RAB36: variants seen among roughly 807,000 people sequenced by gnomAD.
The protein encoded by RAB36 is RAB36, member RAS oncogene family, also known as ras-related protein Rab-36.
In RAB36, 33 loss-of-function variants were observed where a neutral mutation model predicts 39.3. That is an observed-to-expected ratio of 0.84 (90% CI 0.64 to 1.12). The LOEUF is 1.12. Among genes scored for constraint, RAB36 ranks in the 50% most tolerant of loss-of-function variants. The pLI is 0.00. For synonymous variants in RAB36, 133 were observed against 140.2 expected, an observed-to-expected ratio of 0.95 and a Z score of 0.36; for missense variants, 308 against 355.3, an observed-to-expected ratio of 0.87 and a Z score of 1.07.
intron 6 of RAB36, among the ~76,000 whole-genome samples, chr22:23,157,071 C>A (rs976084243): frequency 6.6e-6 from 1 of 152,188 alleles, no homozygotes; most frequent in Non-Finnish European, 1.5e-5. Flanking sequence ...CATAGGGCTC[C>A]CCTCAGGACC....
intron 9 of RAB36, among the ~76,000 whole-genome samples, 188 bp from the exon 10 acceptor site, chr22:23,160,691 C>T (rs1266795809): frequency 6.6e-6 from 1 of 152,106 alleles, no homozygotes; most frequent in Non-Finnish European, 1.5e-5. Flanking sequence ...GTGGACCCTG[C>T]CCCTGGCACT....
chr22:23,152,625 T>C, intron 4 of RAB36, 99 bp downstream of exon 4: 1 of 1,208,664 alleles, frequency 8.3e-7, no homozygotes, highest in South Asian at 1.2e-5. Context: ...GCAGAAATCA[T>C]GTGGCTTCCA....
downstream of RAB36, among the ~76,000 whole-genome samples, chr22:23,167,958 C>A (rs541731018): frequency 6.6e-6 from 1 of 152,242 alleles, no homozygotes; most frequent in African/African-American, 2.4e-5. Flanking sequence ...GCAATCCCCC[C>A]ACCCCAGCCT....
At position 23,163,762 on chromosome 22, in the gene RAB36, A is replaced by G. The variant is rs2071950653; in HGVS notation, c.*2198A>G. On this transcript the variant is annotated 3_prime_UTR_variant, in exon 11 of 11. Coordinates refer to ENST00000263116, the MANE Select transcript of RAB36 (RefSeq NM_004914.5). ...CTGGACTCTGTGCCTTTGCCTGCAC[A>G]GCTAGTGTTGATGGCTTGTTTGTTG... is the stretch of plus-strand genomic sequence containing the variant. 1 of 152,186 alleles carries G rather than the reference A, an allele frequency of 6.6e-6. No individual in the cohort carries two copies. The highest frequency in any genetic ancestry group is 6.5e-5 in the Admixed American group (1 of 15,282). 9.4% of individuals were successfully genotyped at this position (152,186 alleles called of 1,614,324 possible). A position where few individuals can be genotyped will look rare whatever the true frequency, so the allele number is the denominator to read the frequency against.
At position 23,163,633 on chromosome 22, in the gene RAB36, C is replaced by G. The variant is rs545076619; in HGVS notation, c.*2069C>G. 6.7e-6 allele frequency: 1 copy of G among 150,134 alleles called. No homozygotes were observed. The highest frequency in any genetic ancestry group is 1.9e-4 in the East Asian group (1 of 5,164). 9.3% of individuals were successfully genotyped at this position (150,134 alleles called of 1,614,324 possible). A position where few individuals can be genotyped will look rare whatever the true frequency, so the allele number is the denominator to read the frequency against. On this transcript the variant is annotated 3_prime_UTR_variant, in exon 11 of 11. Coordinates refer to ENST00000263116, the MANE Select transcript of RAB36 (RefSeq NM_004914.5). ...CCCCCCCCCGCCACATTAGCTGCGCCCCTGAAGTGTCTCCAGCAGAAGAGA... is the reference window on the plus strand; with the variant it reads ...CCCCCCCCCGCCACATTAGCTGCGCGCCTGAAGTGTCTCCAGCAGAAGAGA...
Position 23,146,120 on chromosome 22 carries a change from G to A in RAB36, c.-12-485G>A, listed in dbSNP as rs915673646. ...TCCCAGGCAGGGTGGGGCAGGCCTG[G>A]TTCCCCCATACCATGCTGCCTGCTG... On this transcript the variant is annotated intron_variant, in intron 1 of 10. Transcript: ENST00000263116. 3 of 663,974 alleles carry A rather than the reference G, an allele frequency of 4.5e-6. No homozygotes were observed. The African/African-American group carries it at 5.9e-5, about 13-fold the overall frequency. The allele number at this position is 663,974 out of a possible 1,614,324, so 41.1% of individuals were successfully genotyped here.
At chr22:23,161,404 C>T in intron 10 of RAB36, 96 bp from the exon 11 acceptor site, 2 of 1,128,538 alleles carry the variant, frequency 1.8e-6, no homozygotes, top group South Asian at 2.6e-5. Flanking sequence ...CCAGAAGCTT[C>T]AGCTCACAGC....
intron 5 of RAB36, 33 bp from the exon 6 acceptor site, chr22:23,155,935 A>C (rs768995215): frequency 1.3e-6 from 2 of 1,584,098 alleles, no homozygotes; most frequent in East Asian, 4.6e-5. Flanking sequence ...GTAGCCTGAC[A>C]CCATTTCCCT....
rs2071856757 is a variant in RAB36, at chr22:23,162,344, C to G, written c.*780C>G. On this transcript the variant is annotated 3_prime_UTR_variant, in exon 11 of 11. Coordinates refer to ENST00000263116, the MANE Select transcript of RAB36 (RefSeq NM_004914.5). ...GCATTTACCTGTGTGCTGCGGGAGG[C>G]AGACTGCACAGCTGTCCTAGGGTAA... 1 of 309,206 alleles carries G rather than the reference C, an allele frequency of 3.2e-6. No homozygotes were observed. Among genetic ancestry groups the G allele is most frequent in the Non-Finnish European group, 6.4e-6 (1 of 155,284 alleles). The allele number at this position is 309,206 out of a possible 1,614,324, so 19.2% of individuals were successfully genotyped here.
chr22:23,161,786 G>T lies in RAB36; in HGVS notation c.*222G>T, dbSNP rs1272574298. On this transcript the variant is annotated 3_prime_UTR_variant, in exon 11 of 11. Transcript: ENST00000263116. ...AAAGGCCCCCACTGGCTGCCTGGGA[G>T]CCCCACACCACCGGGCCAGTGCAGG... is the stretch of plus-strand genomic sequence containing the variant. The T allele has an allele frequency of 1.8e-6, 1 of 552,706 alleles. No individual in the cohort carries two copies. Among genetic ancestry groups the T allele is most frequent in the African/African-American group, 1.9e-5 (1 of 52,630 alleles). The allele number at this position is 552,706 out of a possible 1,614,324, so 34.2% of individuals were successfully genotyped here. A position where few individuals can be genotyped will look rare whatever the true frequency, so the allele number is the denominator to read the frequency against.
chr22:23,162,897 GT>G lies in RAB36; in HGVS notation c.*1339del, dbSNP rs1491470515. On this transcript the variant is annotated 3_prime_UTR_variant, in exon 11 of 11. Transcript: ENST00000263116. ...TTCCCCCTTCAACATATTTTTTGTA[GT>G]TTTTTATATAAATGACTTTTTTTTT... The G allele has an allele frequency of 2.9e-6, 1 of 344,290 alleles. No homozygotes were observed. Among genetic ancestry groups the G allele is most frequent in the East Asian group, 8.3e-5 (1 of 12,088 alleles). 21.3% of individuals were successfully genotyped at this position (344,290 alleles called of 1,614,324 possible). A position where few individuals can be genotyped will look rare whatever the true frequency, so the allele number is the denominator to read the frequency against.
At chr22:23,158,716 G>A (rs1295052026) in intron 7 of RAB36, among the ~76,000 whole-genome samples, 182 bp from the exon 8 acceptor site, 1 of 152,182 alleles carries the variant, frequency 6.6e-6, no homozygotes, top group Non-Finnish European at 1.5e-5. Flanking sequence ...ACCCCTTTGG[G>A]TCCAGCCAAC....
chr22:23,167,425 T>C (rs749607838), downstream of RAB36, among the ~76,000 whole-genome samples: 1 of 152,140 alleles, frequency 6.6e-6, no homozygotes, highest in Non-Finnish European at 1.5e-5. Flanking sequence ...TCTCAGCATC[T>C]TTCAACCCTG....
Position 23,155,966 on chromosome 22 carries a change from A to T in RAB36, c.330-2A>T. On this transcript the variant is annotated splice_acceptor_variant, in intron 5 of 10. Transcript: ENST00000263116. LOFTEE classifies it high-confidence loss of function. ...TCCCTTTCTTTCTCACCCACCTCAC[A>T]GCTGGGACACAGCTGGGCAGGAGAA... The T allele has an allele frequency of 1.9e-6, 3 of 1,610,190 alleles. No individual in the cohort carries two copies. Among genetic ancestry groups the T allele is most frequent in the Non-Finnish European group, 2.5e-6 (3 of 1,178,218 alleles).
intron 2 of RAB36, among the ~76,000 whole-genome samples, chr22:23,148,010 T>C (rs1171572361): frequency 1.3e-5 from 2 of 152,154 alleles, no homozygotes; most frequent in Non-Finnish European, 2.9e-5. Context: ...TCTCAGTGGT[T>C]GCCTCTGTGG....
chr22:23,153,172 C>T (rs1601913101), intron 5 of RAB36, 38 bp downstream of exon 5: 1 of 1,457,712 alleles, frequency 6.9e-7, no homozygotes, highest in East Asian at 2.3e-5. Context: ...TGGGCAGCTT[C>T]CTACAGGCAC....
chr22:23,155,780 C>T (rs766591300), intron 5 of RAB36, among the ~76,000 whole-genome samples, 188 bp from the exon 6 acceptor site: 15 of 152,168 alleles, frequency 9.9e-5, no homozygotes, highest in Non-Finnish European at 4.4e-5. Flanking sequence ...CCACTGGGGG[C>T]ACCCTAGGAA....
chr22:23,165,760 T>C (rs2072034532), downstream of RAB36, among the ~76,000 whole-genome samples: 1 of 151,988 alleles, frequency 6.6e-6, no homozygotes, highest in African/African-American at 2.4e-5. Flanking sequence ...CTCATATGAG[T>C]GGCAGGTGGT....
In RAB36 at chr22:23,159,140, TCAA is replaced by T; in HGVS notation, c.529-19_529-17del. 1 of 1,609,148 alleles carries T rather than the reference TCAA, an allele frequency of 6.2e-7. No individual in the cohort carries two copies. Among genetic ancestry groups the T allele is most frequent in the Non-Finnish European group, 8.5e-7 (1 of 1,177,998 alleles). On this transcript the variant is annotated intron_variant, in intron 8 of 10. Transcript: ENST00000263116. ...CCTGCAGGAGAGCCGGGACGCTGGG[TCAA>T]CAAGGGCCATTTCTCCCAGTCAGGG...
Sources: allele counts gnomAD v4.1 joint callset (sites outside exome capture counted in the v4.1 genomes callset), GRCh38; gene constraint gnomAD v4.1.1; transcripts MANE v1.5; gene names NCBI Gene and HGNC (gene_info 2026-07-23, HGNC 2026-07-21).